The following FUT8 variants were observed in gnomAD, a reference collection of about 807,000 sequenced individuals.
The protein encoded by FUT8 is fucosyltransferase 8.
Under a neutral mutation model 71.3 loss-of-function variants are expected in FUT8, and 29 were observed. That is an observed-to-expected ratio of 0.41 (90% CI 0.30 to 0.55). The LOEUF (loss-of-function observed/expected upper bound fraction) is 0.55. Among genes scored for constraint, FUT8 ranks in the 20% least tolerant of loss-of-function variants. The pLI is 0.34. For missense variants in FUT8, 544 were observed against 702.1 expected, an observed-to-expected ratio of 0.77 and a Z score of 2.55; for synonymous variants, 254 against 239.3, an observed-to-expected ratio of 1.06 and a Z score of -0.57.
At chr14:65,529,965 T>C (rs1883825033) in intron 2 of FUT8, among the ~76,000 whole-genome samples, 1 of 152,220 alleles carries the variant, frequency 6.6e-6, no homozygotes, top group Admixed American at 6.5e-5. Context: ...CTCTGGAAAT[T>C]ACTCAGCACT....
Position 65,627,192 on chromosome 14 carries a change from A to G in FUT8, c.483-2300A>G, listed in dbSNP as rs143892537. Among the ~76,000 whole-genome samples, 1 of 152,310 alleles carries G rather than the reference A, an allele frequency of 6.6e-6. No individual in the cohort carries two copies. The highest frequency in any genetic ancestry group is 2.4e-5 in the African/African-American group (1 of 41,568). On this transcript the variant is annotated intron_variant, in intron 5 of 10. Coordinates refer to ENST00000673929, the MANE Select transcript of FUT8 (RefSeq NM_001371533.1). This position sits in a 1 kb window ranked among gnomAD's most constrained non-coding sequence, Gnocchi z 4.0. ...GAGCTTAAATTCTAGTAGGGCAGAA[A>G]GATAAGAAGTAAGTAATATTGTATA...
At chr14:65,439,679 G>A (rs1179144649) in intron 1 of FUT8, among the ~76,000 whole-genome samples, 1 of 151,688 alleles carries the variant, frequency 6.6e-6, no homozygotes, top group African/African-American at 2.4e-5. Flanking sequence ...GAAACTACAA[G>A]TTTTTTCTCT....
chr14:65,723,208 C>T (rs1485503870), intron 8 of FUT8, among the ~76,000 whole-genome samples: 1 of 149,886 alleles, frequency 6.7e-6, no homozygotes, highest in Non-Finnish European at 1.5e-5. Context: ...GCCTGTAGTA[C>T]CAGCTGTTCG....
intron 2 of FUT8, among the ~76,000 whole-genome samples, chr14:65,536,259 C>T (rs1188587291): frequency 6.6e-6 from 1 of 152,074 alleles, no homozygotes; most frequent in Non-Finnish European, 1.5e-5. Context: ...ACATTCAAGG[C>T]TAGTATGGAT....
Position 65,716,013 on chromosome 14 carries a change from G to A in FUT8, c.836-5762G>A, listed in dbSNP as rs112629473. Among the ~76,000 whole-genome samples the A allele has an allele frequency of 1.5e-3, 232 of 151,382 alleles. 2 individuals are homozygous for A. Among genetic ancestry groups the A allele is most frequent in the African/African-American group, 5.1e-3 (212 of 41,350 alleles). On this transcript the variant is annotated intron_variant, in intron 7 of 10. Transcript: ENST00000673929. ...AACAACTTGATAGTATTTCAATTTC[G>A]TGAATGTTTTAAGACTTGTTTTGTG...
chr14:65,429,420 T>C (rs1369855681), intron 1 of FUT8, among the ~76,000 whole-genome samples: 1 of 152,214 alleles, frequency 6.6e-6, no homozygotes, highest in Admixed American at 6.5e-5. Context: ...GTAAGAAAAT[T>C]TGTTTCATGT....
At chr14:65,621,287 G>C (rs1401552243) in intron 5 of FUT8, among the ~76,000 whole-genome samples, 1 of 150,840 alleles carries the variant, frequency 6.6e-6, no homozygotes, top group East Asian at 2.0e-4. Context: ...GTCTCGCTCT[G>C]TTGCCAGGCT....
chr14:65,376,865 G>A, the FUT8 span, among the ~76,000 whole-genome samples: 1 of 152,206 alleles, frequency 6.6e-6, no homozygotes, highest in African/African-American at 2.4e-5. Context: ...GGGAGGTCTT[G>A]GAGAGCAAGG....
At chr14:65,484,362 ATGT>A (rs572555664) in intron 2 of FUT8, among the ~76,000 whole-genome samples, 17 of 152,284 alleles carry the variant, frequency 1.1e-4, no homozygotes, top group South Asian at 8.3e-4. Context: ...ATTAAGTATG[ATGT>A]TGTAGATTTT....
At chr14:65,555,077 T>C (rs902986173) in intron 2 of FUT8, among the ~76,000 whole-genome samples, 6 of 152,166 alleles carry the variant, frequency 3.9e-5, no homozygotes, top group African/African-American at 1.4e-4. Context: ...CATTTTTGTA[T>C]AGCTCATGAG....
chr14:65,383,260 C>CTTTT, the FUT8 span, among the ~76,000 whole-genome samples: 1 of 95,818 alleles, frequency 1.0e-5, no homozygotes, highest in African/African-American at 4.0e-5. Flanking sequence ...TTTTCTTTTT[C>CTTTT]TTTTCTTTTT....
rs749442804 is a variant in FUT8, at chr14:65,615,972, C to T, written c.204-6C>T. ...AAATGTTTACATTATCTTCCCTAAACTACAGGATACCAGAAGGCCCTATTG... is the reference window on the plus strand; with the variant it reads ...AAATGTTTACATTATCTTCCCTAAATTACAGGATACCAGAAGGCCCTATTG... On this transcript the variant is annotated splice_region_variant and splice_polypyrimidine_tract_variant and intron_variant, in intron 3 of 10. Transcript: ENST00000673929. 1.2e-5 allele frequency: 19 copies of T among 1,594,622 alleles called. No homozygotes were observed. Among genetic ancestry groups the T allele is most frequent in the Non-Finnish European group, 1.6e-5 (19 of 1,166,546 alleles).
At chr14:65,711,830 G>A (rs1207817346) in intron 7 of FUT8, among the ~76,000 whole-genome samples, 1 of 152,130 alleles carries the variant, frequency 6.6e-6, no homozygotes, top group Non-Finnish European at 1.5e-5. Flanking sequence ...ATATCAGAGG[G>A]AGAGAATATG....
intron 8 of FUT8, among the ~76,000 whole-genome samples, chr14:65,723,793 C>T (rs1305877068): frequency 1.3e-5 from 2 of 152,156 alleles, no homozygotes; most frequent in Non-Finnish European, 2.9e-5. Context: ...TAACAAAAAT[C>T]TTAAGTTGTA....
chr14:65,646,320 G>T (rs970683991), intron 6 of FUT8, among the ~76,000 whole-genome samples: 2 of 152,190 alleles, frequency 1.3e-5, no homozygotes, highest in Non-Finnish European at 2.9e-5. Flanking sequence ...CTGAAATAGA[G>T]AAAGCTATAT....
intron 1 of FUT8, among the ~76,000 whole-genome samples, chr14:65,444,556 T>C (rs1394128486): frequency 2.0e-5 from 3 of 152,212 alleles, no homozygotes; most frequent in Non-Finnish European, 4.4e-5. Flanking sequence ...CAAATATTAA[T>C]GTGTGAATGG....
intron 2 of FUT8, among the ~76,000 whole-genome samples, chr14:65,525,463 T>C (rs1404317410): frequency 2.6e-5 from 4 of 152,246 alleles, no homozygotes; most frequent in Admixed American, 2.6e-4. Flanking sequence ...TTTACTTCTT[T>C]ATTAGTCTTG....
intron 8 of FUT8, 46 bp from the exon 9 acceptor site, chr14:65,724,101 A>G (rs371361643): frequency 1.4e-6 from 2 of 1,400,940 alleles, no homozygotes; most frequent in Admixed American, 2.5e-5. Flanking sequence ...CCCTCAAAGC[A>G]CCCAGTGTCA....
At chr14:65,522,875 A>G (rs1274588428) in intron 2 of FUT8, among the ~76,000 whole-genome samples, 1 of 152,138 alleles carries the variant, frequency 6.6e-6, no homozygotes, top group Non-Finnish European at 1.5e-5. Flanking sequence ...TTCCAGCTTC[A>G]TCCACATCCC....
Sources: allele counts gnomAD v4.1 joint callset (sites outside exome capture counted in the v4.1 genomes callset), GRCh38; gene constraint gnomAD v4.1.1; non-coding constraint Gnocchi (gnomAD v3.1); transcripts MANE v1.5; gene names NCBI Gene and HGNC (gene_info 2026-07-23, HGNC 2026-07-21).